The following TCERG1 variants were observed in gnomAD, a reference collection of about 807,000 sequenced individuals.
TCERG1 encodes the protein transcription elongation regulator 1.
Under a neutral mutation model 144.7 loss-of-function variants are expected in TCERG1, and 37 were observed. That is an observed-to-expected ratio of 0.26 (90% CI 0.20 to 0.34). The LOEUF is 0.34. Among genes scored for constraint, TCERG1 ranks in the 10% least tolerant of loss-of-function variants. The pLI, the probability that TCERG1 is intolerant of heterozygous loss-of-function variation, is 1.00. For missense variants in TCERG1, 1,027 were observed against 1,380.7 expected, an observed-to-expected ratio of 0.74 and a Z score of 4.06; for synonymous variants, 492 against 458.2, an observed-to-expected ratio of 1.07 and a Z score of -0.94.
intron 10 of TCERG1, among the ~76,000 whole-genome samples, chr5:146,479,551 A>T (rs1245614807): frequency 6.6e-6 from 1 of 152,128 alleles, no homozygotes. Context: ...TAAATATTTG[A>T]TTCATTCATT....
chr5:146,476,265 T>G (rs1208644158), intron 9 of TCERG1, among the ~76,000 whole-genome samples: 1 of 152,228 alleles, frequency 6.6e-6, no homozygotes, highest in Non-Finnish European at 1.5e-5. Context: ...GCCATTTAGA[T>G]CTACCTGAAG....
intron 4 of TCERG1, among the ~76,000 whole-genome samples, chr5:146,461,314 G>A (rs948508924): frequency 3.6e-4 from 54 of 151,968 alleles, no homozygotes; most frequent in African/African-American, 1.2e-3. Context: ...ACTTGATTTA[G>A]TATCATAAAG....
intron 5 of TCERG1, among the ~76,000 whole-genome samples, chr5:146,464,109 T>A (rs1411527355): frequency 6.6e-6 from 1 of 152,236 alleles, no homozygotes; most frequent in East Asian, 1.9e-4. Flanking sequence ...GGGTTGAGTT[T>A]ATGAAGTTGA....
intron 9 of TCERG1, among the ~76,000 whole-genome samples, chr5:146,475,323 A>C (rs1242813370): frequency 2.6e-5 from 4 of 152,308 alleles, no homozygotes; most frequent in African/African-American, 9.6e-5. Context: ...AGCCTAGTTC[A>C]TAAGTGATGA....
In TCERG1 at chr5:146,457,187, C is replaced by T. The variant is rs766104036; in HGVS notation, c.290C>T (p.Pro97Leu). 2 of 1,611,840 alleles carry T rather than the reference C, an allele frequency of 1.2e-6. No individual in the cohort carries two copies. Among genetic ancestry groups the T allele is most frequent in the Admixed American group, 3.4e-5 (2 of 59,614 alleles). The stretch of plus-strand genomic sequence containing the variant: ...ACTGTTTTTGTGAATTAACAGAGAC[C>T]ACCTTTCATGCCTCCTCCCATGAGT... The part of the protein sequence containing the change: ...PPMGPPHLQR[P>L]PFMPPPMSSM... The change falls in exon 3 of 23, where the codon CCA becomes CTA. Residue 97 changes from proline (P) to leucine (L), a missense_variant. Physicochemically the swap from Pro to Leu is moderately conservative, Grantham distance 98. Around this residue, in one of 6 missense-constraint regions of TCERG1, gnomAD observed 175 missense variants for 197.0 expected, o/e 0.89. Transcript: ENST00000679501.
At position 146,479,950 on chromosome 5, in the gene TCERG1, A is replaced by G. The variant is rs1254286356; in HGVS notation, c.1819+39A>G. The G allele has an allele frequency of 1.9e-6, 3 of 1,609,988 alleles. No homozygotes were observed. In the African/African-American group the frequency reaches 4.0e-5, roughly 22 times the overall value. On this transcript the variant is annotated intron_variant, in intron 11 of 22. Transcript: ENST00000679501. ...CCATAAATTGCAGCTTCTTTTTAATACTATTAAAGCAAGTGTTCTGGTAGT... is the reference window on the plus strand; with the variant it reads ...CCATAAATTGCAGCTTCTTTTTAATGCTATTAAAGCAAGTGTTCTGGTAGT...
intron 15 of TCERG1, 82 bp downstream of exon 15, chr5:146,483,711 CT>C: frequency 4.4e-5 from 46 of 1,039,752 alleles, no homozygotes; most frequent in Admixed American, 5.3e-5. Context: ...AGTACCATCC[CT>C]TTTTTTTCTG....
intron 19 of TCERG1, chr5:146,504,604 A>C (rs1411175748): frequency 6.6e-6 from 1 of 152,256 alleles, no homozygotes. Flanking sequence ...CTCCTATGCT[A>C]TTTCTTTTCT....
intron 5 of TCERG1, among the ~76,000 whole-genome samples, chr5:146,467,475 T>A (rs1228609982): frequency 6.6e-6 from 1 of 152,208 alleles, no homozygotes; most frequent in Non-Finnish European, 1.5e-5. Context: ...GCAGCTTTTC[T>A]TTTCATTCCC....
At chr5:146,479,513 TTTC>T (rs1162035392) in intron 10 of TCERG1, among the ~76,000 whole-genome samples, 1 of 152,180 alleles carries the variant, frequency 6.6e-6, no homozygotes, top group Non-Finnish European at 1.5e-5. Context: ...AATATGTGAT[TTTC>T]TTTTGTTTTT....
chr5:146,488,316 AAT>A (rs1766044405), intron 15 of TCERG1, among the ~76,000 whole-genome samples: 1 of 152,202 alleles, frequency 6.6e-6, no homozygotes, highest in Non-Finnish European at 1.5e-5. Flanking sequence ...AATGGGAGAA[AAT>A]ATTTGCTAAC....
At chr5:146,450,241 G>T (rs1762236008) in intron 1 of TCERG1, among the ~76,000 whole-genome samples, 1 of 152,184 alleles carries the variant, frequency 6.6e-6, no homozygotes, top group South Asian at 2.1e-4. Flanking sequence ...GCCTGTAGAG[G>T]CCAGAAGTGG....
intron 9 of TCERG1, among the ~76,000 whole-genome samples, chr5:146,474,757 G>T (rs1174319258): frequency 6.6e-6 from 1 of 152,176 alleles, no homozygotes; most frequent in African/African-American, 2.4e-5. Flanking sequence ...TGCCCTGAAA[G>T]CTCAGATGAT....
intron 19 of TCERG1, chr5:146,505,578 G>A (rs956356531): frequency 2.4e-4 from 37 of 152,224 alleles, no homozygotes; most frequent in African/African-American, 8.0e-4. Context: ...GATATGATTT[G>A]GAAGTGTTCC....
chr5:146,504,262 ATTG>A (rs1387577423), intron 19 of TCERG1: 13 of 301,352 alleles, frequency 4.3e-5, no homozygotes, highest in African/African-American at 1.3e-4. Flanking sequence ...TTTATTATTT[ATTG>A]TTCTTGATGA....
chr5:146,478,388 G>A (rs144844272), intron 9 of TCERG1, 105 bp from the exon 10 acceptor site: 369 of 1,187,966 alleles, frequency 3.1e-4, no homozygotes, highest in African/African-American at 1.4e-3. Flanking sequence ...AGAACATGTC[G>A]TTCTTCAGTA....
intron 18 of TCERG1, 136 bp downstream of exon 18, chr5:146,503,675 G>A: frequency 7.3e-7 from 1 of 1,368,424 alleles, no homozygotes; most frequent in South Asian, 1.5e-5. Flanking sequence ...TAAGAGTCTA[G>A]TTGATTTGGA....
In TCERG1 at chr5:146,457,451, G is replaced by T. The variant is rs1762922854; in HGVS notation, c.438+116G>T. On this transcript the variant is annotated intron_variant, in intron 3 of 22. Transcript: ENST00000679501. ...TTTAAGAATGAGCCCTGGGTGAGCAGGGAATGGGGTAAGACTTCAGGAGAA... is the reference window on the plus strand; with the variant it reads ...TTTAAGAATGAGCCCTGGGTGAGCATGGAATGGGGTAAGACTTCAGGAGAA... 15 of 1,045,500 alleles carry T rather than the reference G, an allele frequency of 1.4e-5. No individual in the cohort carries two copies. The South Asian group carries it at 2.5e-4, about 17-fold the overall frequency. 64.8% of individuals were successfully genotyped at this position (1,045,500 alleles called of 1,614,324 possible). A position where few individuals can be genotyped will look rare whatever the true frequency, so the allele number is the denominator to read the frequency against.
intron 2 of TCERG1, among the ~76,000 whole-genome samples, chr5:146,456,189 C>G (rs1414261031): frequency 6.6e-6 from 1 of 152,168 alleles, no homozygotes; most frequent in Non-Finnish European, 1.5e-5. Flanking sequence ...TTATGGCCTT[C>G]CTAATAACGA....
Sources: allele counts gnomAD v4.1 joint callset (sites outside exome capture counted in the v4.1 genomes callset), GRCh38; gene constraint gnomAD v4.1.1; regional missense constraint gnomAD v4.1.1; transcripts MANE v1.5; gene names NCBI Gene and HGNC (gene_info 2026-07-23, HGNC 2026-07-21).